The following PDXDC1 variants were observed in gnomAD, a reference collection of about 807,000 sequenced individuals.
The protein encoded by PDXDC1 is pyridoxal dependent decarboxylase domain containing 1.
PDXDC1 carries 42 observed loss-of-function variants against 100.1 expected under a neutral mutation model. That is an observed-to-expected ratio of 0.42 (90% CI 0.33 to 0.54). PDXDC1 has a LOEUF of 0.54. Ranked by LOEUF, PDXDC1 falls within the 20% of genes least tolerant of loss-of-function variation. The pLI is 0.10. For missense variants in PDXDC1, 636 were observed against 979.2 expected, an observed-to-expected ratio of 0.65 and a Z score of 4.68; for synonymous variants, 260 against 371.7, an observed-to-expected ratio of 0.70 and a Z score of 3.46.
chr16:15,029,201 A>T, intron 15 of PDXDC1: 1 of 625,646 alleles, frequency 1.6e-6, no homozygotes, highest in Non-Finnish European at 2.9e-6. Flanking sequence ...CTGCTGTATA[A>T]GGCTGTGAGA....
chr16:15,072,979 A>G (rs1218223107), intron 16 of PDXDC1: 5 of 1,613,920 alleles, frequency 3.1e-6, no homozygotes, highest in Non-Finnish European at 4.2e-6. Context: ...TAAAACATGA[A>G]AAACTGTACA....
chr16:15,103,477 C>T (rs1269020516), intron 16 of PDXDC1: 10 of 614,304 alleles, frequency 1.6e-5, no homozygotes, highest in Non-Finnish European at 2.6e-5. Flanking sequence ...TAGACCACCC[C>T]TTGGGTATAT....
chr16:14,979,133 A>C (rs529626915), intron 1 of PDXDC1, among the ~76,000 whole-genome samples: 17 of 152,404 alleles, frequency 1.1e-4, no homozygotes, highest in Non-Finnish European at 2.1e-4. Flanking sequence ...ATTGAGATTA[A>C]AATTAAACAC....
At position 15,056,785 on chromosome 16, in the gene PDXDC1, A is replaced by G. The variant is rs553683015; in HGVS notation, c.1399+26729A>G. 5.9e-5 allele frequency among the ~76,000 whole-genome samples: 9 copies of G among 152,314 alleles called. 1 individual carries two copies. The South Asian group carries it at 1.9e-3, about 32-fold the overall frequency. On this transcript the variant is annotated intron_variant, in intron 16 of 16. Transcript: ENST00000535621. ...GGGACACTCTGTTTCTGAAAATAAT[A>G]AAAATAAATGTAAACGGTCTTAAAC...
chr16:15,085,399 C>G (rs1461792482), intron 16 of PDXDC1, among the ~76,000 whole-genome samples: 3 of 152,152 alleles, frequency 2.0e-5, no homozygotes, highest in Non-Finnish European at 4.4e-5. Flanking sequence ...AATCCACCCA[C>G]TTAAGCCTCC....
At chr16:15,147,179 G>C in the PDXDC1 span, among the ~76,000 whole-genome samples, 365 of 150,972 alleles carry the variant, frequency 2.4e-3, 1 homozygote, top group African/African-American at 8.6e-3. Flanking sequence ...GGTGGGAGGG[G>C]CTGGCAGCAC....
intron 1 of PDXDC1, chr16:14,990,178 G>A (rs867501865): frequency 5.3e-5 from 68 of 1,282,206 alleles, no homozygotes; most frequent in Middle Eastern, 3.0e-4. Flanking sequence ...CCAGGCGCGG[G>A]CAAGGGCGCG....
chr16:15,148,394 T>A, the PDXDC1 span, among the ~76,000 whole-genome samples: 1 of 128,730 alleles, frequency 7.8e-6, no homozygotes, highest in Non-Finnish European at 1.6e-5. Flanking sequence ...TTTTTTTTTT[T>A]TTTTTTTGAG....
At chr16:15,135,215 A>G (rs1161901236) in intron 16 of PDXDC1, 2 of 775,706 alleles carry the variant, frequency 2.6e-6, no homozygotes, top group African/African-American at 1.6e-5. Flanking sequence ...AAACACGGAA[A>G]ACAGTAGATG....
chr16:15,058,311 AAAAG>A (rs899998511), intron 16 of PDXDC1, among the ~76,000 whole-genome samples: 6 of 152,300 alleles, frequency 3.9e-5, no homozygotes, highest in Non-Finnish European at 7.4e-5. Flanking sequence ...AAGAAAAAGA[AAAAG>A]AAAGCACTAA....
intron 16 of PDXDC1, chr16:15,092,456 T>C: frequency 9.5e-7 from 1 of 1,058,068 alleles, no homozygotes; most frequent in Non-Finnish European, 1.5e-6. Flanking sequence ...ATAACAGCAA[T>C]AGTTGTATTC....
intron 1 of PDXDC1, among the ~76,000 whole-genome samples, chr16:14,986,820 A>G (rs1251434360): frequency 6.6e-6 from 1 of 152,266 alleles, no homozygotes; most frequent in African/African-American, 2.4e-5. Flanking sequence ...GTTCTTGGCT[A>G]ACTGCAAGCT....
chr16:14,980,087 C>T (rs999266387), intron 1 of PDXDC1, among the ~76,000 whole-genome samples: 2 of 152,270 alleles, frequency 1.3e-5, no homozygotes, highest in Admixed American at 6.5e-5. Context: ...TGATGGGACT[C>T]GGCCATAGTA....
chr16:15,002,900 C>T (rs1973463008), intron 4 of PDXDC1, among the ~76,000 whole-genome samples: 1 of 152,134 alleles, frequency 6.6e-6, no homozygotes, highest in African/African-American at 2.4e-5. Context: ...TTCGAATTTG[C>T]AGGTTTTTTA....
chr16:15,126,338 TC>T (rs2047726759), intron 16 of PDXDC1, among the ~76,000 whole-genome samples: 1 of 78,980 alleles, frequency 1.3e-5, no homozygotes, highest in Non-Finnish European at 2.9e-5. Context: ...CACCCGGCCA[TC>T]GTTCCATTTT....
intron 1 of PDXDC1, among the ~76,000 whole-genome samples, chr16:14,990,438 A>T (rs1970513664): frequency 6.6e-6 from 1 of 152,308 alleles, no homozygotes; most frequent in African/African-American, 2.4e-5. Flanking sequence ...AGGATAAGAA[A>T]TGTGATGAAG....
chr16:15,044,248 T>C (rs2043951798), intron 16 of PDXDC1: 1 of 887,400 alleles, frequency 1.1e-6, no homozygotes, highest in Admixed American at 1.9e-5. Context: ...TTCTTGGGTT[T>C]TGTACCAATT....
At position 15,089,543 on chromosome 16, in the gene PDXDC1, C is replaced by G. The variant is rs538218012; in HGVS notation, c.1400-49336C>G. Among the ~76,000 whole-genome samples the G allele has an allele frequency of 2.0e-3, 303 of 151,462 alleles. 1 individual carries two copies. Among genetic ancestry groups the G allele is most frequent in the Middle Eastern group, 3.4e-3 (1 of 292 alleles). On this transcript the variant is annotated intron_variant, in intron 16 of 16. Transcript: ENST00000535621. ...TGGCCGGGCGTGGTTACTCACGCCT[C>G]TAATCCCAGCACTTTGGGAGGCCAA...
intron 3 of PDXDC1, 137 bp from the exon 4 acceptor site, chr16:15,001,639 C>T (rs1378677192): frequency 6.6e-6 from 4 of 602,850 alleles, no homozygotes; most frequent in Non-Finnish European, 1.1e-5. Context: ...AACTATATAC[C>T]ACGTTCTTTC....
Sources: gnomAD v4.1 joint callset for allele counts (sites outside exome capture counted in the v4.1 genomes callset) on GRCh38, gnomAD v4.1.1 for gene constraint, MANE v1.5 for transcripts, NCBI Gene and HGNC (gene_info 2026-07-23, HGNC 2026-07-21) for gene names.